ZNF701: variants seen among roughly 807,000 people sequenced by gnomAD.
ZNF701 encodes zinc finger protein 701.
Under a neutral mutation model 7.1 loss-of-function variants are expected in ZNF701, and 6 were observed. That is an observed-to-expected ratio of 0.84 (90% CI 0.46 to 1.66). ZNF701 has a LOEUF of 1.66. Among genes scored for constraint, ZNF701 ranks in the 40% most tolerant of loss-of-function variants. The pLI is 0.01. For synonymous variants in ZNF701, 166 were observed against 188.2 expected (o/e 0.88, Z 0.97); for missense variants, 541 against 559.2 (o/e 0.97, Z 0.33).
intron 3 of ZNF701, among the ~76,000 whole-genome samples, 154 bp from the exon 4 acceptor site, chr19:52,582,048 A>G (rs1319650399): frequency 6.6e-6 from 1 of 152,190 alleles, no homozygotes; most frequent in African/African-American, 2.4e-5. Context: ...CCCTTTATTT[A>G]TTAAAGGATC....
At chr19:52,594,741 G>A in the ZNF701 span, among the ~76,000 whole-genome samples, 1 of 149,178 alleles carries the variant, frequency 6.7e-6, no homozygotes, top group Non-Finnish European at 1.5e-5. Context: ...TCGAACTCCC[G>A]ACCTCAGGTG....
chr19:52,596,821 A>G, the ZNF701 span: 1 of 541,224 alleles, frequency 1.8e-6, no homozygotes, highest in South Asian at 1.4e-5. Flanking sequence ...GTAGAAAAGC[A>G]CACCTTGCAT....
rs1397475806 is a variant in ZNF701 at position 52,584,882 on chromosome 19, G to C, written c.*1425G>C. ...TGACCCAGGCCCCGCCCACCTCCTCGGGGGTCTCCCCGCGGGTCTGGCTTC... is the reference window on the plus strand; with the variant it reads ...TGACCCAGGCCCCGCCCACCTCCTCCGGGGTCTCCCCGCGGGTCTGGCTTC... On this transcript the variant is annotated 3_prime_UTR_variant, in exon 4 of 4. Transcript: ENST00000391785. 1 of 152,192 alleles carries C rather than the reference G, an allele frequency of 6.6e-6. No homozygotes were observed. Among genetic ancestry groups the C allele is most frequent in the Admixed American group, 6.5e-5 (1 of 15,280 alleles). The allele number at this position is 152,192 out of a possible 1,614,324, so 9.4% of individuals were successfully genotyped here. A position where few individuals can be genotyped will look rare whatever the true frequency, so the allele number is the denominator to read the frequency against.
chr19:52,583,302 T>C lies in ZNF701; in HGVS notation c.1243T>C (p.Cys415Arg). The C allele has an allele frequency of 6.2e-7, 1 of 1,613,896 alleles. No individual in the cohort carries two copies. Among genetic ancestry groups the C allele is most frequent in the Non-Finnish European group, 8.5e-7 (1 of 1,179,840 alleles). The stretch of plus-strand genomic sequence containing the variant: ...AGAGAAACGTTACAAGTGTAATGAA[T>C]GTGGCAAGGTTTTTAATCACAAATC... ...TGEKRYKCNE[C>R]GKVFNHKSNL... Residue 415 changes from cysteine (C) to arginine (R), a missense_variant, in exon 4 of 4, where the codon TGT becomes CGT. Coordinates refer to ENST00000391785, the MANE Select transcript of ZNF701 (RefSeq NM_018260.3).
the ZNF701 span, among the ~76,000 whole-genome samples, chr19:52,593,106 C>A: frequency 2.0e-4 from 24 of 118,042 alleles, 6 homozygotes; most frequent in Middle Eastern, 4.6e-3. Context: ...GTAAGGTCAC[C>A]GATAAACAGG....
At chr19:52,589,063 G>A (rs1439535378), downstream of ZNF701, among the ~76,000 whole-genome samples, 1 of 152,160 alleles carries the variant, frequency 6.6e-6, no homozygotes, top group Non-Finnish European at 1.5e-5. Flanking sequence ...CAGATATCTG[G>A]AGAATTCCTG....
intron 3 of ZNF701, among the ~76,000 whole-genome samples, chr19:52,577,852 G>A (rs1466351430): frequency 5.3e-5 from 8 of 152,176 alleles, no homozygotes; most frequent in African/African-American, 1.7e-4. Context: ...TGCTTCAATG[G>A]TCATGCTCCT....
At chr19:52,579,650 G>C (rs1426376370) in intron 3 of ZNF701, among the ~76,000 whole-genome samples, 1 of 141,324 alleles carries the variant, frequency 7.1e-6, no homozygotes, top group Non-Finnish European at 1.5e-5. Context: ...GAGGTGGGCA[G>C]ATCACCAGAG....
Position 52,583,823 on chromosome 19 carries a change from T to C in ZNF701, c.*366T>C. 1 of 564,946 alleles carries C rather than the reference T, an allele frequency of 1.8e-6. No individual in the cohort carries two copies. Among genetic ancestry groups the C allele is most frequent in the Non-Finnish European group, 3.3e-6 (1 of 298,664 alleles). 35.0% of individuals were successfully genotyped at this position (564,946 alleles called of 1,614,324 possible). A position where few individuals can be genotyped will look rare whatever the true frequency, so the allele number is the denominator to read the frequency against. On this transcript the variant is annotated 3_prime_UTR_variant, in exon 4 of 4. Transcript: ENST00000391785. ...ATGATTGTCACAAAGTCTTCAGTAATATTACAGCCATTGCAAAACATTGGA... is the reference window on the plus strand; with the variant it reads ...ATGATTGTCACAAAGTCTTCAGTAACATTACAGCCATTGCAAAACATTGGA...
intron 1 of ZNF701, chr19:52,573,333 A>T (rs556424485): frequency 6.5e-6 from 1 of 152,924 alleles, no homozygotes; most frequent in South Asian, 2.1e-4. Context: ...TCCACCTTCC[A>T]GGTTCAAGCG....
intron 1 of ZNF701, among the ~76,000 whole-genome samples, chr19:52,571,773 CTT>C (rs1235512043): frequency 6.6e-6 from 1 of 151,918 alleles, no homozygotes; most frequent in Non-Finnish European, 1.5e-5. Context: ...CACTTTCGCT[CTT>C]GTTGCCCAGG....
Position 52,583,437 on chromosome 19 carries a change from C to T in ZNF701, c.1378C>T (p.His460Tyr). 6.2e-7 allele frequency: 1 copy of T among 1,612,524 alleles called. No homozygotes were observed. The highest frequency in any genetic ancestry group is 1.1e-5 in the South Asian group (1 of 90,806). The change falls in exon 4 of 4, where the codon CAT (histidine) becomes TAT (tyrosine). Residue 460 changes from histidine (H) to tyrosine (Y), a missense_variant. Transcript: ENST00000391785. ...AAACCTTGAACGTCATCATAGACTT[C>T]ATACTGGAAAGAAATCTTAGAAGTG... is the stretch of plus-strand genomic sequence containing the variant. Reference protein sequence around the residue: ...KSNLERHHRLHTGKKS With the variant: ...KSNLERHHRLYTGKKS
In ZNF701 at chr19:52,584,680, A is replaced by C. The variant is rs2059997695; in HGVS notation, c.*1223A>C. 6.6e-6 allele frequency: 1 copy of C among 152,164 alleles called. No homozygotes were observed. The highest frequency in any genetic ancestry group is 1.5e-5 in the Non-Finnish European group (1 of 68,034). 9.4% of individuals were successfully genotyped at this position (152,164 alleles called of 1,614,324 possible). A position where few individuals can be genotyped will look rare whatever the true frequency, so the allele number is the denominator to read the frequency against. On this transcript the variant is annotated 3_prime_UTR_variant, in exon 4 of 4. Transcript: ENST00000391785. ...ATTCCTAAGTATTTCTTACTTTAAG[A>C]TCTCTAGCAAATGGAAGTGTTTTTT...
intron 2 of ZNF701, 141 bp downstream of exon 2, chr19:52,574,303 G>T: frequency 2.1e-6 from 3 of 1,400,136 alleles, no homozygotes; most frequent in Non-Finnish European, 3.0e-6. Context: ...CTCAGTCCCT[G>T]TCATCTCACT....
rs2060011117 is a variant in ZNF701 at position 52,586,254 on chromosome 19, T to C, written c.*2797T>C. Reference sequence around the variant, plus strand: ...ACCGGGTTTTGCCTTGTTGTCTAGGTTGGGCTCCAACTGCAGGGCTAAAGC... The same window carrying C: ...ACCGGGTTTTGCCTTGTTGTCTAGGCTGGGCTCCAACTGCAGGGCTAAAGC... On this transcript the variant is annotated 3_prime_UTR_variant, in exon 4 of 4. Transcript: ENST00000391785. The C allele has an allele frequency of 6.6e-6, 1 of 151,986 alleles. No individual in the cohort carries two copies. The highest frequency in any genetic ancestry group is 2.4e-5 in the African/African-American group (1 of 41,368). The allele number at this position is 151,986 out of a possible 1,614,324, so 9.4% of individuals were successfully genotyped here.
At chr19:52,576,862 G>C (rs116875866) in intron 3 of ZNF701, among the ~76,000 whole-genome samples, 1 of 152,168 alleles carries the variant, frequency 6.6e-6, no homozygotes, top group Non-Finnish European at 1.5e-5. Context: ...GCAAGAGAAA[G>C]GGCCCTGGAC....
intron 1 of ZNF701, among the ~76,000 whole-genome samples, chr19:52,573,811 C>T (rs978402890): frequency 2.0e-5 from 3 of 152,204 alleles, no homozygotes; most frequent in Admixed American, 6.5e-5. Flanking sequence ...GCCACCGCAC[C>T]GAGCCTCTGC....
chr19:52,582,814 T>G lies in ZNF701; in HGVS notation c.755T>G (p.Phe252Cys). The G allele has an allele frequency of 1.2e-6, 2 of 1,614,162 alleles. No homozygotes were observed. Among genetic ancestry groups the G allele is most frequent in the Non-Finnish European group, 1.7e-6 (2 of 1,180,018 alleles). The stretch of plus-strand genomic sequence containing the variant: ...AAATGTGATGTATGCGGCAAGGACT[T>G]TCATCAGAAGCGATACCTTGCATGC... ...QYKCDVCGKDFHQKRYLACHR... is the reference protein window; with the variant it reads ...QYKCDVCGKDCHQKRYLACHR... The change falls in exon 4 of 4, where the codon TTT (phenylalanine) becomes TGT (cysteine). Residue 252 changes from phenylalanine (F) to cysteine (C), a missense_variant. Physicochemically the swap from Phe to Cys is radical, Grantham distance 205. Coordinates refer to ENST00000391785, the MANE Select transcript of ZNF701 (RefSeq NM_018260.3).
intron 1 of ZNF701, among the ~76,000 whole-genome samples, chr19:52,571,822 C>A (rs921547438): frequency 6.6e-6 from 1 of 151,882 alleles, no homozygotes; most frequent in Non-Finnish European, 1.5e-5. Context: ...TCACCGCAAC[C>A]CTTTTTGGTT....
Sources: allele counts gnomAD v4.1 joint callset (sites outside exome capture counted in the v4.1 genomes callset), GRCh38; gene constraint gnomAD v4.1.1; transcripts MANE v1.5; gene names NCBI Gene and HGNC (gene_info 2026-07-23, HGNC 2026-07-21).